Variants in SH3BGRL2 observed in about 807,000 individuals in gnomAD.
SH3BGRL2 encodes SH3 domain binding glutamate rich protein like 2, also known as SH3 domain-binding glutamic acid-rich-like protein 2.
SH3BGRL2 carries 21 observed loss-of-function variants against 14.8 expected under a neutral mutation model. The ratio of observed to expected loss-of-function variants is 1.42; its 90% CI spans 1.01 to 2.05. The LOEUF is 2.05. SH3BGRL2 is among the 30% of genes most tolerant of loss of function. The pLI is 0.00. For synonymous variants in SH3BGRL2, 50 were observed against 47.8 expected, an observed-to-expected ratio of 1.05 and a Z score of -0.19; for missense variants, 147 against 130.8, an observed-to-expected ratio of 1.12 and a Z score of -0.61.
the SH3BGRL2 span, among the ~76,000 whole-genome samples, chr6:79,557,009 T>A: frequency 6.6e-6 from 1 of 151,774 alleles, no homozygotes; most frequent in African/African-American, 2.4e-5. Context: ...TCAGAAAAAA[T>A]AAAGTACTTC....
chr6:79,590,424 G>GATTGATATATATATATATAT, the SH3BGRL2 span, among the ~76,000 whole-genome samples: 13 of 66,684 alleles, frequency 1.9e-4, no homozygotes, highest in African/African-American at 8.4e-4. Flanking sequence ...AAGAAAATGT[G>GATTGATATATATATATATAT]ATATATATAT....
chr6:79,631,491 C>G lies in SH3BGRL2; in HGVS notation c.30C>G (p.Ser10=). Residue 10 remains serine (S), a synonymous_variant, in exon 1 of 4, where the codon TCC becomes TCG. Coordinates refer to ENST00000369838, the MANE Select transcript of SH3BGRL2 (RefSeq NM_031469.4). Reference sequence around the variant, plus strand: ...TCATCCGCGTGTTCATCGCCTCTTCCTCGGGCTTCGTGGCGGTGAGCGCGG... The same window carrying G: ...TCATCCGCGTGTTCATCGCCTCTTCGTCGGGCTTCGTGGCGGTGAGCGCGG... MVIRVFIAS[S]SGFVAIKKKQ... 1.3e-6 allele frequency: 2 copies of G among 1,493,576 alleles called. No individual in the cohort carries two copies. Among genetic ancestry groups the G allele is most frequent in the Non-Finnish European group, 1.8e-6 (2 of 1,117,874 alleles). 92.5% of individuals were successfully genotyped at this position (1,493,576 alleles called of 1,614,324 possible).
chr6:79,683,637 C>T (rs549680537), intron 2 of SH3BGRL2, among the ~76,000 whole-genome samples: 4 of 152,062 alleles, frequency 2.6e-5, no homozygotes, highest in East Asian at 1.9e-4. Flanking sequence ...TTAGTAGAGA[C>T]GGGGTTTCAC....
upstream of SH3BGRL2, among the ~76,000 whole-genome samples, chr6:79,628,653 T>C (rs1178799540): frequency 6.6e-6 from 1 of 152,242 alleles, no homozygotes; most frequent in Non-Finnish European, 1.5e-5. Flanking sequence ...TTACCAACTC[T>C]GGGTCTCAAC....
the SH3BGRL2 span, among the ~76,000 whole-genome samples, chr6:79,549,271 G>A: frequency 6.6e-6 from 1 of 152,130 alleles, no homozygotes; most frequent in African/African-American, 2.4e-5. Context: ...AAAAACTACA[G>A]CCCAAAATTT....
At chr6:79,667,461 A>G (rs78690405) in intron 1 of SH3BGRL2, among the ~76,000 whole-genome samples, 2 of 110,356 alleles carry the variant, frequency 1.8e-5, no homozygotes, top group African/African-American at 3.4e-5. Context: ...TTTTTTTTTT[A>G]ATTGAGACAG....
chr6:79,572,659 G>C, the SH3BGRL2 span, among the ~76,000 whole-genome samples: 1 of 152,098 alleles, frequency 6.6e-6, no homozygotes. Flanking sequence ...CAGAGATGGG[G>C]TTTCACTGTG....
chr6:79,615,236 G>A, the SH3BGRL2 span, among the ~76,000 whole-genome samples: 4 of 152,206 alleles, frequency 2.6e-5, no homozygotes, highest in Non-Finnish European at 5.9e-5. Flanking sequence ...ACTTCTGAGA[G>A]TGGGAGGGCT....
At chr6:79,631,302 T>C, upstream of SH3BGRL2, 1 of 558,918 alleles carries the variant, frequency 1.8e-6, no homozygotes, top group Non-Finnish European at 2.8e-6. Context: ...GCTGGGCTTT[T>C]ATCTGCGGAC....
intron 2 of SH3BGRL2, among the ~76,000 whole-genome samples, chr6:79,677,683 G>C (rs1769911920): frequency 1.3e-5 from 2 of 152,140 alleles, no homozygotes; most frequent in Admixed American, 1.3e-4. Context: ...GTGGAGTCTT[G>C]ACAACTCCTA....
intron 1 of SH3BGRL2, among the ~76,000 whole-genome samples, chr6:79,650,375 A>T (rs1239193547): frequency 1.3e-5 from 2 of 152,170 alleles, no homozygotes; most frequent in African/African-American, 4.8e-5. Context: ...TGACCAACTC[A>T]AGACAGAAGG....
the SH3BGRL2 span, among the ~76,000 whole-genome samples, chr6:79,594,753 C>T: frequency 1.3e-5 from 2 of 152,238 alleles, no homozygotes; most frequent in South Asian, 4.1e-4. Flanking sequence ...CTACATTAAT[C>T]GTGTCCAAAA....
the SH3BGRL2 span, among the ~76,000 whole-genome samples, chr6:79,580,216 A>G: frequency 3.9e-5 from 6 of 152,190 alleles, no homozygotes; most frequent in Non-Finnish European, 5.9e-5. Flanking sequence ...TTAACACCCC[A>G]CTGTCACTTA....
intron 1 of SH3BGRL2, among the ~76,000 whole-genome samples, chr6:79,640,260 C>T (rs983054321): frequency 3.9e-5 from 6 of 152,182 alleles, no homozygotes; most frequent in South Asian, 2.1e-4. Flanking sequence ...CTGACTTCAT[C>T]TGTCAGCACT....
intron 1 of SH3BGRL2, among the ~76,000 whole-genome samples, chr6:79,657,138 G>C (rs1165085046): frequency 6.6e-6 from 1 of 152,122 alleles, no homozygotes; most frequent in African/African-American, 2.4e-5. Context: ...GCTGATGAGA[G>C]TAGGACCAGG....
the SH3BGRL2 span, among the ~76,000 whole-genome samples, chr6:79,588,119 C>G: frequency 6.6e-6 from 1 of 152,014 alleles, no homozygotes; most frequent in East Asian, 1.9e-4. Flanking sequence ...TGGTGAAACC[C>G]CATCTCTACT....
chr6:79,553,586 A>C, the SH3BGRL2 span, among the ~76,000 whole-genome samples: 1 of 152,220 alleles, frequency 6.6e-6, no homozygotes, highest in African/African-American at 2.4e-5. Flanking sequence ...CACCATCAGA[A>C]CACCAAAGAG....
chr6:79,558,370 G>A, the SH3BGRL2 span, among the ~76,000 whole-genome samples: 162 of 152,140 alleles, frequency 1.1e-3, no homozygotes, highest in Middle Eastern at 0.027. Flanking sequence ...ACTAGATCCT[G>A]GCATCAAGCC....
chr6:79,560,220 A>G, the SH3BGRL2 span, among the ~76,000 whole-genome samples: 1 of 152,218 alleles, frequency 6.6e-6, no homozygotes, highest in Non-Finnish European at 1.5e-5. Flanking sequence ...CAGTTTAGAC[A>G]TTGTGATTAG....
Sources: gnomAD v4.1 joint callset for allele counts (sites outside exome capture counted in the v4.1 genomes callset) on GRCh38, gnomAD v4.1.1 for gene constraint, MANE v1.5 for transcripts, NCBI Gene and HGNC (gene_info 2026-07-23, HGNC 2026-07-21) for gene names.